SPAG9: variants seen among roughly 807,000 people sequenced by gnomAD.
The protein encoded by SPAG9 is sperm associated antigen 9, also known as C-Jun-amino-terminal kinase-interacting protein 4.
SPAG9 carries 35 observed loss-of-function variants against 166.5 expected under a neutral mutation model. The observed-to-expected ratio is 0.21, with a 90% confidence interval of 0.16 to 0.28. SPAG9 has a LOEUF of 0.28. Among genes scored for constraint, SPAG9 ranks in the 10% least tolerant of loss-of-function variants. The pLI is 1.00. For synonymous variants in SPAG9, 534 were observed against 565.5 expected (o/e 0.94, Z 0.79); for missense variants, 1,235 against 1,603.3 (o/e 0.77, Z 3.92).
intron 2 of SPAG9, among the ~76,000 whole-genome samples, chr17:51,077,001 TCTAG>T (rs1171967345): frequency 0.011 from 990 of 89,896 alleles, 20 homozygotes; most frequent in African/African-American, 0.031. Flanking sequence ...TATCTAGCTA[TCTAG>T]CTAGCTAGCT....
chr17:51,023,671 C>CT (rs1300919256), intron 6 of SPAG9, among the ~76,000 whole-genome samples: 1 of 151,916 alleles, frequency 6.6e-6, no homozygotes, highest in Non-Finnish European at 1.5e-5. Flanking sequence ...TGAAATTCTT[C>CT]TTTTTTTTCT....
At chr17:50,969,906 ATG>A (rs1269270143) in intron 29 of SPAG9, among the ~76,000 whole-genome samples, 1 of 152,152 alleles carries the variant, frequency 6.6e-6, no homozygotes, top group African/African-American at 2.4e-5. Flanking sequence ...ATTTATTAAC[ATG>A]TCTCTATCTC....
intron 5 of SPAG9, among the ~76,000 whole-genome samples, chr17:51,037,416 G>C (rs2046630951): frequency 6.6e-6 from 1 of 151,784 alleles, no homozygotes; most frequent in Non-Finnish European, 1.5e-5. Flanking sequence ...TTGAGGTCAA[G>C]AGCCTGGCCA....
chr17:50,984,909 A>G lies in SPAG9; in HGVS notation c.3088+14T>C. On this transcript the variant is annotated intron_variant, in intron 24 of 29. Coordinates refer to ENST00000262013, the MANE Select transcript of SPAG9 (RefSeq NM_001130528.3). ...ACAAATTAGTGTCCATGTTATACACACATCACCACTCACCCACTCCTCTGT... is the reference window on the plus strand; with the variant it reads ...ACAAATTAGTGTCCATGTTATACACGCATCACCACTCACCCACTCCTCTGT... The G allele has an allele frequency of 6.2e-7, 1 of 1,609,152 alleles. No individual in the cohort carries two copies. Among genetic ancestry groups the G allele is most frequent in the Non-Finnish European group, 8.5e-7 (1 of 1,175,468 alleles).
At position 51,100,904 on chromosome 17, in the gene SPAG9, G is replaced by C. The variant is rs1452849728; in HGVS notation, c.303+19450C>G. On this transcript the variant is annotated intron_variant, in intron 1 of 29. Transcript: ENST00000262013. Reference sequence around the variant, plus strand: ...CATTGTACTCCAGCCTGGGCAATAAGAGCAAAACTCCGTCTAAAAAAAAAA... The same window carrying C: ...CATTGTACTCCAGCCTGGGCAATAACAGCAAAACTCCGTCTAAAAAAAAAA... Among the ~76,000 whole-genome samples the C allele has an allele frequency of 2.6e-5, 4 of 151,118 alleles. No homozygotes were observed. The East Asian group carries it at 7.8e-4, about 29-fold the overall frequency.
rs149487318 is a variant in SPAG9, at chr17:51,039,520, T to C, written c.741+1981A>G. ...CTTATTCATTGAGTCTTTATCTCAT[T>C]CGGTGGCTCCAGTTCCAGACCAAGT... On this transcript the variant is annotated intron_variant, in intron 5 of 29. Coordinates refer to ENST00000262013, the MANE Select transcript of SPAG9 (RefSeq NM_001130528.3). 3.9e-3 allele frequency among the ~76,000 whole-genome samples: 589 copies of C among 152,296 alleles called. 5 individuals carry two copies. The highest frequency in any genetic ancestry group is 0.013 in the African/African-American group (557 of 41,568).
intron 8 of SPAG9, among the ~76,000 whole-genome samples, chr17:51,018,447 T>C (rs924290014): frequency 1.3e-5 from 2 of 152,266 alleles, no homozygotes; most frequent in Non-Finnish European, 2.9e-5. Context: ...ATGAGACTAA[T>C]TTCTTCCAAT....
intron 9 of SPAG9, 85 bp downstream of exon 9, chr17:51,014,147 G>T: frequency 8.1e-7 from 1 of 1,238,862 alleles, no homozygotes. Context: ...AGCAGTTGGG[G>T]ACATTTTAAA....
intron 25 of SPAG9, among the ~76,000 whole-genome samples, chr17:50,980,969 T>C (rs1031498155): frequency 1.3e-5 from 2 of 152,170 alleles, no homozygotes; most frequent in Non-Finnish European, 2.9e-5. Context: ...GCCCCTGCAC[T>C]CTATCCTGGG....
At chr17:51,093,456 A>T (rs889077475) in intron 1 of SPAG9, among the ~76,000 whole-genome samples, 5 of 152,082 alleles carry the variant, frequency 3.3e-5, no homozygotes, top group African/African-American at 9.7e-5. Context: ...TAATCCCTGC[A>T]CTTTGGGAGG....
rs201693076 is a variant in SPAG9 at position 51,020,118 on chromosome 17, T to TG, written c.1091+40dup. The TG allele has an allele frequency of 6.9e-3, 8,070 of 1,168,332 alleles. 387 individuals are homozygous for TG. In the African/African-American group the frequency reaches 0.1, roughly 15 times the overall value. The allele number at this position is 1,168,332 out of a possible 1,614,324, so 72.4% of individuals were successfully genotyped here. On this transcript the variant is annotated intron_variant, in intron 8 of 29. Transcript: ENST00000262013. ...GAACAGTGTTTATGGGAGTTGGGGG[T>TG]GGGGGGCGCAGAATATGTCTTCATC...
rs1265150741 is a variant in SPAG9 at position 50,963,277 on chromosome 17, CTACAGGCAGT to C, written c.*2985_*2994del. 6.6e-6 allele frequency: 1 copy of C among 152,194 alleles called. No individual in the cohort carries two copies. Among genetic ancestry groups the C allele is most frequent in the African/African-American group, 2.4e-5 (1 of 41,454 alleles). The allele number at this position is 152,194 out of a possible 1,614,324, so 9.4% of individuals were successfully genotyped here. A position where few individuals can be genotyped will look rare whatever the true frequency, so the allele number is the denominator to read the frequency against. ...CCTCTTCTCTCCCTTGATGTGGTAG[CTACAGGCAGT>C]TACATTCCTTTGCTGCTTGTGAGAA... is the stretch of plus-strand genomic sequence containing the variant. On this transcript the variant is annotated 3_prime_UTR_variant, in exon 30 of 30. Coordinates refer to ENST00000262013, the MANE Select transcript of SPAG9 (RefSeq NM_001130528.3).
chr17:51,105,402 C>T (rs973504571), intron 1 of SPAG9, among the ~76,000 whole-genome samples: 32 of 152,076 alleles, frequency 2.1e-4, no homozygotes, highest in African/African-American at 7.5e-4. Flanking sequence ...ACAAGACAGG[C>T]ATTTATGAGA....
intron 9 of SPAG9, among the ~76,000 whole-genome samples, chr17:51,013,720 T>G (rs900528579): frequency 6.6e-6 from 1 of 152,150 alleles, no homozygotes; most frequent in Non-Finnish European, 1.5e-5. Flanking sequence ...CATGTATTCT[T>G]CTAGAACACA....
chr17:51,038,848 T>C (rs2046721629), intron 5 of SPAG9, among the ~76,000 whole-genome samples: 1 of 152,222 alleles, frequency 6.6e-6, no homozygotes, highest in South Asian at 2.1e-4. Flanking sequence ...GTTTACTTGT[T>C]TGTCGATCTC....
intron 6 of SPAG9, among the ~76,000 whole-genome samples, chr17:51,028,025 A>C (rs549379390): frequency 1.3e-5 from 2 of 151,810 alleles, no homozygotes; most frequent in South Asian, 4.2e-4. Context: ...AAGGCTAATA[A>C]TATGTGTGTG....
chr17:51,057,369 T>G (rs921555655), intron 2 of SPAG9, among the ~76,000 whole-genome samples: 1 of 152,164 alleles, frequency 6.6e-6, no homozygotes, highest in South Asian at 2.1e-4. Flanking sequence ...TTTAGTCTGT[T>G]GGAAAGCCTT....
At chr17:50,971,447 G>A (rs1278143180) in intron 28 of SPAG9, among the ~76,000 whole-genome samples, 2 of 148,164 alleles carry the variant, frequency 1.3e-5, no homozygotes, top group African/African-American at 2.5e-5. Flanking sequence ...TTAGCTGCCT[G>A]CTTCAAACTA....
At chr17:51,114,704 C>T (rs1167601119) in intron 1 of SPAG9, among the ~76,000 whole-genome samples, 1 of 152,130 alleles carries the variant, frequency 6.6e-6, no homozygotes, top group Non-Finnish European at 1.5e-5. Context: ...GTAATCCCAG[C>T]ACTTTGGGAG....
Sources: allele counts gnomAD v4.1 joint callset (sites outside exome capture counted in the v4.1 genomes callset), GRCh38; gene constraint gnomAD v4.1.1; transcripts MANE v1.5; gene names NCBI Gene and HGNC (gene_info 2026-07-23, HGNC 2026-07-21).